MSANTD7: variants seen among roughly 807,000 people sequenced by gnomAD.
MSANTD7 encodes zinc finger and SCAN domain containing 29.
chr10:14,846,406 A>C, the MSANTD7 span: 1 of 985,436 alleles, frequency 1.0e-6, no homozygotes, highest in Non-Finnish European at 1.2e-6. Context: ...TGTGAAATTC[A>C]ATGGGTAAAG....
the MSANTD7 span, chr10:14,840,047 T>C: frequency 3.4e-6 from 4 of 1,177,624 alleles, no homozygotes; most frequent in Non-Finnish European, 3.4e-6. Context: ...TTGTAATATA[T>C]ATATATATAT....
chr10:14,845,266 C>T, the MSANTD7 span: 1 of 985,214 alleles, frequency 1.0e-6, no homozygotes, highest in Non-Finnish European at 1.2e-6. Flanking sequence ...AAATAGGAAT[C>T]TTTAGGATTT....
chr10:14,840,507 C>G, the MSANTD7 span, among the ~76,000 whole-genome samples: 7 of 152,166 alleles, frequency 4.6e-5, no homozygotes, highest in Non-Finnish European at 5.9e-5. Flanking sequence ...TTGAATTTTG[C>G]TGAATCTATT....
chr10:14,840,561 C>T, the MSANTD7 span, among the ~76,000 whole-genome samples: 4 of 152,196 alleles, frequency 2.6e-5, no homozygotes, highest in African/African-American at 9.7e-5. Flanking sequence ...TTTTCTTCCT[C>T]AGGATCTTTT....
the MSANTD7 span, chr10:14,839,838 C>G: frequency 1.7e-6 from 2 of 1,148,108 alleles, no homozygotes; most frequent in Non-Finnish European, 2.5e-6. Context: ...CAAAGTAACA[C>G]TGGTGCACAA....
chr10:14,845,230 G>C, the MSANTD7 span: 1 of 985,152 alleles, frequency 1.0e-6, no homozygotes, highest in Non-Finnish European at 1.2e-6. Context: ...AGCTTTTAGT[G>C]ATTTACTTAG....
chr10:14,843,795 A>C, the MSANTD7 span: 1 of 1,536,328 alleles, frequency 6.5e-7, no homozygotes, highest in South Asian at 1.2e-5. Flanking sequence ...CTGTCATCGC[A>C]GTCAGACGTT....
At chr10:14,842,874 G>T in the MSANTD7 span, 1 of 1,429,068 alleles carries the variant, frequency 7.0e-7, no homozygotes, top group Non-Finnish European at 9.4e-7. This position sits in a 1 kb window ranked among gnomAD's most constrained non-coding sequence, Gnocchi z 5.2. Flanking sequence ...GAAGGAGTTG[G>T]GTCCCAGAGT....
the MSANTD7 span, chr10:14,846,083 T>G: frequency 1.7e-5 from 17 of 980,790 alleles, no homozygotes; most frequent in Admixed American, 6.2e-5. Context: ...TTTATTAATA[T>G]GCTCATGAAC....
the MSANTD7 span, chr10:14,843,494 G>A: frequency 6.4e-7 from 1 of 1,550,602 alleles, no homozygotes; most frequent in Non-Finnish European, 8.7e-7. Flanking sequence ...CCCTGCACCA[G>A]CACCAACCGC....
the MSANTD7 span, chr10:14,846,931 C>T: frequency 5.1e-6 from 5 of 985,364 alleles, no homozygotes; most frequent in Non-Finnish European, 6.0e-6. Context: ...TGTATACCAA[C>T]TTCTCACCAC....
chr10:14,844,104 T>C, the MSANTD7 span: 4 of 1,387,932 alleles, frequency 2.9e-6, no homozygotes, highest in East Asian at 2.8e-5. Flanking sequence ...GGTGACCTAA[T>C]AGAAAACGAT....
the MSANTD7 span, chr10:14,845,336 A>G: frequency 5.1e-6 from 5 of 985,042 alleles, no homozygotes; most frequent in Non-Finnish European, 6.0e-6. Context: ...ATGTTGGGGG[A>G]GGTTTTATTT....
the MSANTD7 span, chr10:14,842,228 C>T: frequency 6.5e-7 from 1 of 1,535,690 alleles, no homozygotes; most frequent in Non-Finnish European, 8.7e-7. This position sits in a 1 kb window ranked among gnomAD's most constrained non-coding sequence, Gnocchi z 5.2. Flanking sequence ...CTTCCCCACA[C>T]CTTCAGACTT....
chr10:14,839,992 G>A, the MSANTD7 span: 1 of 1,600,364 alleles, frequency 6.2e-7, no homozygotes, highest in South Asian at 1.1e-5. Context: ...AGAGGTACTA[G>A]TCCCCCCATT....
At chr10:14,842,516 G>A in the MSANTD7 span, 4 of 1,536,038 alleles carry the variant, frequency 2.6e-6, no homozygotes, top group African/African-American at 4.1e-5. This position sits in a 1 kb window ranked among gnomAD's most constrained non-coding sequence, Gnocchi z 5.2. Flanking sequence ...AAAGGCCTAT[G>A]TTGCCCATGC....
chr10:14,839,530 G>A, the MSANTD7 span, among the ~76,000 whole-genome samples: 1 of 150,770 alleles, frequency 6.6e-6, no homozygotes, highest in Non-Finnish European at 1.5e-5. Flanking sequence ...TGGCACTGCA[G>A]TCTGCACTCC....
At chr10:14,841,850 G>A in the MSANTD7 span, among the ~76,000 whole-genome samples, 1 of 152,176 alleles carries the variant, frequency 6.6e-6, no homozygotes. Context: ...CTGCCTCATG[G>A]TCCAGGTGAT....
the MSANTD7 span, chr10:14,846,475 T>C: frequency 5.1e-6 from 5 of 985,122 alleles, no homozygotes; most frequent in Middle Eastern, 5.2e-4. Context: ...CACAGAAAAA[T>C]AGGCTAAAAA....
Sources: gnomAD v4.1 joint callset for allele counts (sites outside exome capture counted in the v4.1 genomes callset) on GRCh38, gnomAD v4.1.1 for gene constraint, Gnocchi (gnomAD v3.1) non-coding constraint, MANE v1.5 for transcripts, NCBI Gene and HGNC (gene_info 2026-07-23, HGNC 2026-07-21) for gene names.